PCNX1: variants seen among roughly 807,000 people sequenced by gnomAD.
PCNX1 encodes the protein pecanex 1.
Under a neutral mutation model 242.2 loss-of-function variants are expected in PCNX1, and 78 were observed. That is an observed-to-expected ratio of 0.32 (90% confidence interval 0.27 to 0.39). The LOEUF (loss-of-function observed/expected upper bound fraction) is 0.39, where lower values mean the gene tolerates loss of function less well. PCNX1 is among the 10% of genes least tolerant of loss of function. The pLI is 1.00. For missense variants in PCNX1, 2,581 were observed against 2,856.5 expected (o/e 0.90, Z 2.20); for synonymous variants, 1,024 against 1,032.9 (o/e 0.99, Z 0.17).
At chr14:71,068,406 ATATATGTATT>A (rs1000034952) in intron 26 of PCNX1, among the ~76,000 whole-genome samples, 16 of 149,630 alleles carry the variant, frequency 1.1e-4, no homozygotes, top group African/African-American at 3.7e-4. Flanking sequence ...GTATACGTAT[ATATATGTATT>A]TATATGTATA....
At chr14:70,946,543 A>T (rs778523583) in intron 1 of PCNX1, among the ~76,000 whole-genome samples, 22 of 152,266 alleles carry the variant, frequency 1.4e-4, no homozygotes, top group Non-Finnish European at 2.1e-4. Context: ...AGCCACATTA[A>T]ATAAAAAGAA....
chr14:71,092,951 T>G (rs1212343544), intron 30 of PCNX1: 2 of 152,196 alleles, frequency 1.3e-5, no homozygotes, highest in East Asian at 1.9e-4. Flanking sequence ...CTTTTGATAT[T>G]GGACAATGCC....
At chr14:71,037,626 C>T (rs922453038) in intron 19 of PCNX1, among the ~76,000 whole-genome samples, 1 of 150,646 alleles carries the variant, frequency 6.6e-6, no homozygotes, top group Non-Finnish European at 1.5e-5. Context: ...GCCTTGCATC[C>T]CAGGGATGAA....
intron 1 of PCNX1, 37 bp downstream of exon 1, chr14:70,908,040 C>T: frequency 6.6e-7 from 1 of 1,520,096 alleles, no homozygotes; most frequent in Non-Finnish European, 8.8e-7. Flanking sequence ...GCTCCTTCCC[C>T]GCGAGCCGGT....
At chr14:70,961,415 A>G (rs1023531482) in intron 2 of PCNX1, among the ~76,000 whole-genome samples, 25 of 152,220 alleles carry the variant, frequency 1.6e-4, no homozygotes, top group Non-Finnish European at 2.9e-4. Flanking sequence ...AGCAATGGGG[A>G]AAGGATTCCC....
chr14:71,008,554 G>C (rs2140502622), intron 8 of PCNX1, among the ~76,000 whole-genome samples: 1 of 151,312 alleles, frequency 6.6e-6, no homozygotes, highest in South Asian at 2.1e-4. Context: ...TACTCGGGAG[G>C]CTGAGGCAGG....
intron 32 of PCNX1, among the ~76,000 whole-genome samples, chr14:71,103,980 T>C (rs532638590): frequency 8.9e-4 from 135 of 152,330 alleles, no homozygotes; most frequent in African/African-American, 3.2e-3. Flanking sequence ...TTTGAATATT[T>C]GTTCTGTACA....
intron 3 of PCNX1, among the ~76,000 whole-genome samples, chr14:70,967,900 G>T (rs1359482646): frequency 6.6e-6 from 1 of 152,098 alleles, no homozygotes; most frequent in Non-Finnish European, 1.5e-5. Flanking sequence ...AATGATAATT[G>T]TATGACATGA....
At chr14:71,051,091 C>A (rs1374460637) in intron 23 of PCNX1, among the ~76,000 whole-genome samples, 1 of 140,928 alleles carries the variant, frequency 7.1e-6, no homozygotes, top group African/African-American at 2.7e-5. Context: ...TCTCTTGAAT[C>A]CAGGAGGTAG....
At chr14:70,912,265 C>T (rs963917321) in intron 1 of PCNX1, among the ~76,000 whole-genome samples, 11 of 151,758 alleles carry the variant, frequency 7.2e-5, no homozygotes, top group Non-Finnish European at 1.5e-5. Flanking sequence ...AAAAAAAGAA[C>T]GTTAAAATTT....
At chr14:71,037,758 A>G (rs1012380140) in intron 19 of PCNX1, among the ~76,000 whole-genome samples, 1 of 151,660 alleles carries the variant, frequency 6.6e-6, no homozygotes. Context: ...AAGAGCCCGC[A>G]TCGCCAAGTG....
At chr14:70,926,410 A>G (rs907288651) in intron 1 of PCNX1, among the ~76,000 whole-genome samples, 4 of 152,166 alleles carry the variant, frequency 2.6e-5, no homozygotes, top group African/African-American at 9.7e-5. Context: ...TGCCCATTCC[A>G]GTTCAATATG....
At chr14:71,068,375 C>T (rs1335934391) in intron 26 of PCNX1, among the ~76,000 whole-genome samples, 2 of 149,256 alleles carry the variant, frequency 1.3e-5, no homozygotes. Flanking sequence ...TACATGTATA[C>T]ATATATGTGT....
chr14:71,035,535 A>G (rs919931323), intron 18 of PCNX1, among the ~76,000 whole-genome samples: 3 of 151,770 alleles, frequency 2.0e-5, no homozygotes, highest in Admixed American at 6.6e-5. Flanking sequence ...AGATGGGCGT[A>G]TATCACTTGA....
chr14:71,042,914 G>A (rs1679905861), intron 19 of PCNX1, among the ~76,000 whole-genome samples: 1 of 151,872 alleles, frequency 6.6e-6, no homozygotes, highest in Admixed American at 6.6e-5. Context: ...ATCCTTTCCT[G>A]TGTTTTCATG....
At chr14:71,001,961 C>T (rs1455904442) in intron 8 of PCNX1, among the ~76,000 whole-genome samples, 2 of 152,196 alleles carry the variant, frequency 1.3e-5, no homozygotes, top group Non-Finnish European at 2.9e-5. Flanking sequence ...CTTTATCTTC[C>T]TGATTCAGAT....
intron 7 of PCNX1, among the ~76,000 whole-genome samples, chr14:70,990,998 A>C (rs2059146909): frequency 6.6e-6 from 1 of 152,024 alleles, no homozygotes; most frequent in South Asian, 2.1e-4. Context: ...AGTTTTTAAA[A>C]ATTATTTCAT....
At chr14:70,937,762 A>G (rs1405555781) in intron 1 of PCNX1, among the ~76,000 whole-genome samples, 2 of 152,204 alleles carry the variant, frequency 1.3e-5, no homozygotes, top group African/African-American at 2.4e-5. Flanking sequence ...CTTCCTATCC[A>G]TGAGCATGGA....
At chr14:71,071,537 A>C (rs2061586147) in intron 26 of PCNX1, among the ~76,000 whole-genome samples, 1 of 151,952 alleles carries the variant, frequency 6.6e-6, no homozygotes, top group South Asian at 2.1e-4. Context: ...GGTTGTTCAA[A>C]AGTGTATAGC....
Sources: allele counts gnomAD v4.1 joint callset (sites outside exome capture counted in the v4.1 genomes callset), GRCh38; gene constraint gnomAD v4.1.1; transcripts MANE v1.5; gene names NCBI Gene and HGNC (gene_info 2026-07-23, HGNC 2026-07-21).